Variants in NSD2 observed in about 807,000 individuals in gnomAD.
The protein encoded by NSD2 is histone-lysine N-methyltransferase NSD2.
NSD2 carries 12 observed loss-of-function variants against 139.0 expected under a neutral mutation model. That is an observed-to-expected ratio of 0.09 (90% CI 0.06 to 0.14). The LOEUF is 0.14. NSD2 is among the 10% of genes least tolerant of loss of function. The pLI, the probability that NSD2 is intolerant of heterozygous loss-of-function variation, is 1.00. For missense variants in NSD2, 1,155 were observed against 1,745.0 expected, an observed-to-expected ratio of 0.66 and a Z score of 6.02; for synonymous variants, 669 against 648.7, an observed-to-expected ratio of 1.03 and a Z score of -0.48.
intron 6 of NSD2, among the ~76,000 whole-genome samples, chr4:1,934,144 G>A (rs1722019891): frequency 1.3e-5 from 2 of 150,522 alleles, no homozygotes; most frequent in South Asian, 4.3e-4. Flanking sequence ...GGAGTGCAAT[G>A]GCACAATCTC....
chr4:1,941,322 A>G, intron 9 of NSD2: 1 of 1,054,648 alleles, frequency 9.5e-7, no homozygotes, highest in Non-Finnish European at 1.1e-6. Flanking sequence ...GTTGTTGCTT[A>G]TACTGTTGTC....
chr4:1,885,509 C>A (rs1715019820), intron 1 of NSD2, among the ~76,000 whole-genome samples: 1 of 152,214 alleles, frequency 6.6e-6, no homozygotes, highest in Admixed American at 6.5e-5. Flanking sequence ...TAAAGGAAGT[C>A]TGTCTCAGTG....
intron 11 of NSD2, chr4:1,952,896 C>G: frequency 7.2e-7 from 1 of 1,387,458 alleles, no homozygotes; most frequent in Admixed American, 3.0e-5. Flanking sequence ...CCTGGAGAGT[C>G]TCCCAGGCCA....
At chr4:1,941,369 T>G (rs1460729630) in intron 9 of NSD2, 1 of 1,050,806 alleles carries the variant, frequency 9.5e-7, no homozygotes, top group Non-Finnish European at 1.1e-6. Flanking sequence ...TGCTGAGATC[T>G]TCTCTGTTAT....
At position 1,976,337 on chromosome 4, in the gene NSD2, ACACTCCTCTC is replaced by A; in HGVS notation, c.3622-136_3622-127del. 1 of 892,816 alleles carries A rather than the reference ACACTCCTCTC, an allele frequency of 1.1e-6. No individual in the cohort carries two copies. Among genetic ancestry groups the A allele is most frequent in the Non-Finnish European group, 1.7e-6 (1 of 580,792 alleles). 55.3% of individuals were successfully genotyped at this position (892,816 alleles called of 1,614,324 possible). ...AGGATGTCTGGGGAGCACGAGGAGG[ACACTCCTCTC>A]CTCTCCTCTTAGTGTTGGGCACCTG... On this transcript the variant is annotated intron_variant, in intron 20 of 21. Transcript: ENST00000508803. The surrounding 1 kb of genome is among the most constrained non-coding windows in gnomAD (Gnocchi z 5.3).
intron 1 of NSD2, among the ~76,000 whole-genome samples, chr4:1,894,889 G>C (rs1479681129): frequency 6.6e-6 from 1 of 152,050 alleles, no homozygotes; most frequent in Non-Finnish European, 1.5e-5. Context: ...ACTGTCTCCA[G>C]AACTTTTTCA....
chr4:1,872,629 A>AGAGAGAGAGAGAGAGAGAGAGAGG (rs1553856461), intron 1 of NSD2, among the ~76,000 whole-genome samples: 27 of 142,592 alleles, frequency 1.9e-4, no homozygotes, highest in Non-Finnish European at 4.0e-4. Context: ...AGAGAGAGAG[A>AGAGAGAGAGAGAGAGAGAGAGAGG]GAGAGAGCGC....
chr4:1,902,858 T>C (rs985530548), intron 2 of NSD2, among the ~76,000 whole-genome samples: 3 of 152,170 alleles, frequency 2.0e-5, no homozygotes, highest in African/African-American at 7.2e-5. Context: ...TGGGTTGCTG[T>C]GCAGTAATCT....
intron 1 of NSD2, among the ~76,000 whole-genome samples, chr4:1,876,395 A>G (rs1160616198): frequency 6.6e-6 from 1 of 152,110 alleles, no homozygotes; most frequent in Non-Finnish European, 1.5e-5. Context: ...CCTCAGCTCA[A>G]AAACTCCAGT....
At chr4:1,875,150 C>CA (rs949456288) in intron 1 of NSD2, among the ~76,000 whole-genome samples, 2 of 151,406 alleles carry the variant, frequency 1.3e-5, no homozygotes, top group African/African-American at 4.9e-5. Context: ...TTTATGGAGT[C>CA]AGTCTTGCAG....
intron 1 of NSD2, among the ~76,000 whole-genome samples, chr4:1,885,655 G>C (rs191142077): frequency 6.6e-6 from 1 of 152,052 alleles, no homozygotes; most frequent in African/African-American, 2.4e-5. Context: ...GAGCCTAGCT[G>C]CTCTTCATGG....
At chr4:1,940,108 T>C in intron 9 of NSD2, 2 of 1,171,790 alleles carry the variant, frequency 1.7e-6, no homozygotes, top group Non-Finnish European at 2.1e-6. Flanking sequence ...AGAGTTCACA[T>C]GGAAGTAAGT....
intron 6 of NSD2, among the ~76,000 whole-genome samples, chr4:1,932,692 G>C (rs1721804219): frequency 6.6e-6 from 1 of 152,200 alleles, no homozygotes; most frequent in Admixed American, 6.5e-5. Flanking sequence ...ATTGCAGTGA[G>C]CCGAGATCGT....
rs758519104 is a variant in NSD2, at chr4:1,951,086, G to T, written c.1896G>T (p.Pro632=). ...TTCATCTCTAGGTCTCGGACAGCCC[G>T]GGAGACGAGCCCTCGGAGTCCCCAT... ...SLTENEVSDS[P]GDEPSESPYE... Residue 632 remains proline (P), a synonymous_variant, in exon 10 of 22, where the codon CCG becomes CCT. Coordinates refer to ENST00000508803, the MANE Select transcript of NSD2 (RefSeq NM_001042424.3). The T allele has an allele frequency of 6.2e-7, 1 of 1,614,144 alleles. No homozygotes were observed. The highest frequency in any genetic ancestry group is 8.5e-7 in the Non-Finnish European group (1 of 1,180,002).
chr4:1,943,193 A>G (rs1164534006), intron 9 of NSD2: 6 of 1,041,260 alleles, frequency 5.8e-6, no homozygotes, highest in African/African-American at 1.7e-5. Context: ...GAAAAGGCTT[A>G]CTTGCCCTTC....
intron 3 of NSD2, among the ~76,000 whole-genome samples, chr4:1,910,727 T>A (rs1173953641): frequency 2.0e-5 from 3 of 152,244 alleles, no homozygotes; most frequent in African/African-American, 7.2e-5. Context: ...ATTTGTTTCT[T>A]GCTTGTTCTA....
chr4:1,884,568 A>G (rs1048465856), intron 1 of NSD2, among the ~76,000 whole-genome samples: 2 of 151,586 alleles, frequency 1.3e-5, no homozygotes. Context: ...TAATTTTTAT[A>G]TTTTTAGTAG....
rs755688117 is a variant in NSD2, at chr4:1,955,893, CAT to C, written c.2675+45_2675+46del. On this transcript the variant is annotated intron_variant, in intron 14 of 21. Transcript: ENST00000508803. This position sits in a 1 kb window ranked among gnomAD's most constrained non-coding sequence, Gnocchi z 4.7. ...TATGCTTTTATGTCTTTTCTGTTCA[CAT>C]GTGTTCGCTTTACAGTACTTAAAGT... The C allele has an allele frequency of 4.3e-6, 7 of 1,610,156 alleles. No individual in the cohort carries two copies. The highest frequency in any genetic ancestry group is 1.7e-5 in the Admixed American group (1 of 59,852).
At chr4:1,882,917 G>A (rs1714810526) in intron 1 of NSD2, among the ~76,000 whole-genome samples, 1 of 152,150 alleles carries the variant, frequency 6.6e-6, no homozygotes, top group Non-Finnish European at 1.5e-5. Context: ...CCCTTGAGTT[G>A]AGAGCTACTG....
Sources: gnomAD v4.1 joint callset for allele counts (sites outside exome capture counted in the v4.1 genomes callset) on GRCh38, gnomAD v4.1.1 for gene constraint, Gnocchi (gnomAD v3.1) non-coding constraint, MANE v1.5 for transcripts, NCBI Gene and HGNC (gene_info 2026-07-23, HGNC 2026-07-21) for gene names.